Variants in GALNT12 observed in about 807,000 individuals in gnomAD.
GALNT12 encodes polypeptide N-acetylgalactosaminyltransferase 12.
A neutral mutation model predicts 55.5 loss-of-function variants in GALNT12; 45 were observed. The ratio of observed to expected loss-of-function variants is 0.81; its 90% confidence interval spans 0.64 to 1.04. The LOEUF (loss-of-function observed/expected upper bound fraction) is 1.04. Among genes scored for constraint, GALNT12 ranks in the 50% least tolerant of loss-of-function variants. The pLI, the probability that GALNT12 is intolerant of heterozygous loss-of-function variation, is 0.00. For missense variants in GALNT12, 709 were observed against 754.8 expected (o/e 0.94, Z 0.71); for synonymous variants, 304 against 312.2 (o/e 0.97, Z 0.28).
At chr9:98,830,261 G>A (rs2118403191) in intron 3 of GALNT12, among the ~76,000 whole-genome samples, 1 of 152,322 alleles carries the variant, frequency 6.6e-6, no homozygotes, top group South Asian at 2.1e-4. Flanking sequence ...CTCTCCCTAA[G>A]GTGGCCCCAG....
At position 98,807,671 on chromosome 9, in the gene GALNT12, C is replaced by T. The variant is rs1344331662; in HGVS notation, c.-28C>T. ...GCCTCCACCGCCGCCTTGGGGCGCG[C>T]AGATCGCTGGCTGCAGTTGGCGGGC... On this transcript the variant is annotated 5_prime_UTR_variant, in exon 1 of 10. Coordinates refer to ENST00000375011, the MANE Select transcript of GALNT12 (RefSeq NM_024642.5). The T allele has an allele frequency of 4.3e-5, 48 of 1,104,678 alleles. No homozygotes were observed. The highest frequency in any genetic ancestry group is 5.2e-5 in the Non-Finnish European group (47 of 908,646). 68.4% of individuals were successfully genotyped at this position (1,104,678 alleles called of 1,614,324 possible). A position where few individuals can be genotyped will look rare whatever the true frequency, so the allele number is the denominator to read the frequency against.
intron 4 of GALNT12, 135 bp downstream of exon 4, chr9:98,832,092 A>C: frequency 1.3e-6 from 1 of 747,440 alleles, no homozygotes; most frequent in Non-Finnish European, 2.4e-6. Flanking sequence ...TTTTTTGCCC[A>C]GAGTATTTGT....
intron 1 of GALNT12, among the ~76,000 whole-genome samples, chr9:98,811,558 G>A (rs1366700430): frequency 6.6e-6 from 1 of 152,198 alleles, no homozygotes; most frequent in Non-Finnish European, 1.5e-5. Context: ...GTCAAGGAAA[G>A]CATGGTGTTT....
chr9:98,811,931 T>C (rs1379720541), intron 1 of GALNT12, among the ~76,000 whole-genome samples: 4 of 152,086 alleles, frequency 2.6e-5, no homozygotes, highest in Non-Finnish European at 4.4e-5. Flanking sequence ...GATCTGCCCG[T>C]GTTGGCCTCC....
At chr9:98,821,217 T>C (rs946748619) in intron 1 of GALNT12, among the ~76,000 whole-genome samples, 7 of 152,024 alleles carry the variant, frequency 4.6e-5, no homozygotes, top group Admixed American at 4.6e-4. Flanking sequence ...ACCATGTTGG[T>C]CAGGCTGGTC....
intron 1 of GALNT12, among the ~76,000 whole-genome samples, chr9:98,811,986 A>G (rs1323580596): frequency 6.6e-6 from 1 of 152,156 alleles, no homozygotes; most frequent in East Asian, 1.9e-4. Context: ...CCCAGCCTCA[A>G]AGTGGTTCTA....
At position 98,807,852 on chromosome 9, in the gene GALNT12, C is replaced by A; in HGVS notation, c.154C>A (p.Pro52Thr). Reference protein sequence around the residue: ...GAGAGAAEPGPPRTPRPGRRE... With the variant: ...GAGAGAAEPGTPRTPRPGRRE... ...CGGGGCCGGGGCTGCCGAGCCGGGA[C>A]CCCCGCGCACCCCGCGCCCCGGGCG... The change falls in exon 1 of 10, where the codon CCC becomes ACC. Residue 52 changes from proline (P) to threonine (T), a missense_variant. Pro to Thr is a conservative substitution (Grantham distance 38, BLOSUM62 -1). This residue lies in a region of GALNT12 where 110 missense variants were observed against 102.2 expected (regional missense o/e 1.08). Coordinates refer to ENST00000375011, the MANE Select transcript of GALNT12 (RefSeq NM_024642.5). The A allele has an allele frequency of 1.0e-6, 1 of 1,004,826 alleles. No homozygotes were observed. Among genetic ancestry groups the A allele is most frequent in the Non-Finnish European group, 1.2e-6 (1 of 844,450 alleles). The allele number at this position is 1,004,826 out of a possible 1,614,324, so 62.2% of individuals were successfully genotyped here. A position where few individuals can be genotyped will look rare whatever the true frequency, so the allele number is the denominator to read the frequency against.
chr9:98,811,778 G>A (rs1232495175), intron 1 of GALNT12, among the ~76,000 whole-genome samples: 2 of 151,688 alleles, frequency 1.3e-5, no homozygotes, highest in East Asian at 3.9e-4. Context: ...CACCTCCTGG[G>A]TTCAAGCCAT....
intron 3 of GALNT12, among the ~76,000 whole-genome samples, chr9:98,828,124 G>C (rs1360212264): frequency 1.3e-5 from 2 of 152,192 alleles, no homozygotes; most frequent in African/African-American, 4.8e-5. Flanking sequence ...AGGGCTGGAG[G>C]GGCAGGGTCT....
chr9:98,835,413 T>C, intron 5 of GALNT12, 47 bp downstream of exon 5: 1 of 1,197,908 alleles, frequency 8.3e-7, no homozygotes, highest in Non-Finnish European at 1.2e-6. Context: ...ACTGATTCTC[T>C]CTTTGGGAAC....
chr9:98,838,015 T>G (rs189736200), intron 6 of GALNT12, among the ~76,000 whole-genome samples: 5 of 152,314 alleles, frequency 3.3e-5, no homozygotes, highest in Non-Finnish European at 7.4e-5. Flanking sequence ...GTCCATGTGT[T>G]TTGGTTTTCC....
At chr9:98,838,587 T>G (rs532299211) in intron 6 of GALNT12, among the ~76,000 whole-genome samples, 21 of 152,352 alleles carry the variant, frequency 1.4e-4, no homozygotes, top group African/African-American at 5.0e-4. Flanking sequence ...TCCGGGACCA[T>G]TGTGGATGAG....
At position 98,832,682 on chromosome 9, in the gene GALNT12, C is replaced by A. The variant is rs557476410; in HGVS notation, c.917+725C>A. The stretch of plus-strand genomic sequence containing the variant: ...AACTTCCCATTCTCCCCTTCCCAGC[C>A]CCTGGGAACCTCTGTTCTTTCAGGC... On this transcript the variant is annotated intron_variant, in intron 4 of 9. Coordinates refer to ENST00000375011, the MANE Select transcript of GALNT12 (RefSeq NM_024642.5). Among the ~76,000 whole-genome samples the A allele has an allele frequency of 1.2e-3, 184 of 152,192 alleles. 1 individual carries two copies. Among genetic ancestry groups the A allele is most frequent in the African/African-American group, 4.0e-3 (167 of 41,510 alleles).
intron 2 of GALNT12, among the ~76,000 whole-genome samples, chr9:98,825,095 G>A (rs1835828820): frequency 6.6e-6 from 1 of 152,226 alleles, no homozygotes; most frequent in South Asian, 2.1e-4. Context: ...GAGATGAGGA[G>A]GGTAATGTGC....
chr9:98,817,298 G>T (rs1042510580), intron 1 of GALNT12, among the ~76,000 whole-genome samples: 18 of 152,136 alleles, frequency 1.2e-4, no homozygotes, highest in African/African-American at 4.3e-4. Flanking sequence ...CTCCTGGTGA[G>T]CTACAACTCA....
intron 8 of GALNT12, 142 bp from the exon 9 acceptor site, chr9:98,845,835 C>G: frequency 1.2e-6 from 1 of 823,680 alleles, no homozygotes; most frequent in Non-Finnish European, 2.1e-6. Flanking sequence ...CGGAGGAACC[C>G]ATCACACAGG....
chr9:98,846,007 C>T lies in GALNT12; in HGVS notation c.1489C>T (p.Arg497Cys), dbSNP rs775453262. 2.8e-5 allele frequency: 45 copies of T among 1,614,016 alleles called. No homozygotes were observed. The highest frequency in any genetic ancestry group is 5.0e-5 in the Admixed American group (3 of 60,000). The part of the protein sequence containing the change: ...FFEYTSQKEI[R>C]YNTHQPEGCI... ...CGAGTACACGTCCCAGAAAGAAATA[C>T]GCTATAACACCCACCAGCCTGAGGG... The change falls in exon 9 of 10, where the codon CGC becomes TGC. Residue 497 changes from arginine (R) to cysteine (C), a missense_variant. Physicochemically the swap from Arg to Cys is radical, Grantham distance 180 (BLOSUM62 -3). Transcript: ENST00000375011.
At position 98,823,416 on chromosome 9, in the gene GALNT12, A is replaced by T; in HGVS notation, c.532A>T (p.Ser178Cys). Reference sequence around the variant, plus strand: ...AGAAGTGATCCTTGTAGATGACTACAGTGATAGAGGTGAGTCCCGGCCAGG... The same window carrying T: ...AGAAGTGATCCTTGTAGATGACTACTGTGATAGAGGTGAGTCCCGGCCAGG... Reference protein sequence around the residue: ...LEEVILVDDYSDREHLKERLA... With the variant: ...LEEVILVDDYCDREHLKERLA... Residue 178 changes from serine (S) to cysteine (C), a missense_variant, in exon 2 of 10, where the codon AGT (serine) becomes TGT (cysteine). Around this residue, in one of 5 missense-constraint regions of GALNT12, gnomAD observed 315 missense variants for 288.6 expected, o/e 1.09. Coordinates refer to ENST00000375011, the MANE Select transcript of GALNT12 (RefSeq NM_024642.5). 1.2e-6 allele frequency: 2 copies of T among 1,614,084 alleles called. No homozygotes were observed. Among genetic ancestry groups the T allele is most frequent in the Non-Finnish European group, 1.7e-6 (2 of 1,179,900 alleles).
chr9:98,832,565 C>T lies in GALNT12; in HGVS notation c.917+608C>T, dbSNP rs118130049. Among the ~76,000 whole-genome samples the T allele has an allele frequency of 4.1e-3, 620 of 152,260 alleles. 3 individuals are homozygous for T. The highest frequency in any genetic ancestry group is 6.7e-3 in the Non-Finnish European group (454 of 68,028). ...ACAAAGCATGCAATTTTAGTGGCAT[C>T]GAGCACATTCACGGTATTGTGCAAA... On this transcript the variant is annotated intron_variant, in intron 4 of 9. Coordinates refer to ENST00000375011, the MANE Select transcript of GALNT12 (RefSeq NM_024642.5).
Sources: gnomAD v4.1 joint callset for allele counts (sites outside exome capture counted in the v4.1 genomes callset) on GRCh38, gnomAD v4.1.1 for gene constraint, gnomAD v4.1.1 regional missense constraint, MANE v1.5 for transcripts, NCBI Gene and HGNC (gene_info 2026-07-23, HGNC 2026-07-21) for gene names.